Variants in FBXO7 observed in about 807,000 individuals in gnomAD.
The protein encoded by FBXO7 is F-box protein 7.
A neutral mutation model predicts 50.2 loss-of-function variants in FBXO7; 31 were observed. The observed-to-expected ratio is 0.62, with a 90% confidence interval of 0.46 to 0.83. The LOEUF is 0.83. Among genes scored for constraint, FBXO7 ranks in the 40% least tolerant of loss-of-function variants. FBXO7 has a pLI of 0.00. For missense variants in FBXO7, 667 were observed against 646.6 expected, an observed-to-expected ratio of 1.03 and a Z score of -0.34; for synonymous variants, 256 against 253.1, an observed-to-expected ratio of 1.01 and a Z score of -0.11.
At chr22:32,476,925 A>G (rs1260996627) in intron 1 of FBXO7, among the ~76,000 whole-genome samples, 1 of 152,202 alleles carries the variant, frequency 6.6e-6, no homozygotes, top group African/African-American at 2.4e-5. Context: ...GAGCTGGTAT[A>G]TTTATTAAGC....
intron 7 of FBXO7, 126 bp from the exon 8 acceptor site, chr22:32,495,363 GGTTA>G (rs2057566543): frequency 1.2e-5 from 7 of 597,966 alleles, no homozygotes; most frequent in Non-Finnish European, 1.8e-5. Context: ...TTATATAAAT[GGTTA>G]GTTTTTTTTT....
rs1568971962 is a variant in FBXO7, at chr22:32,478,993, A to G, written c.135A>G (p.Arg45=). 1.9e-6 allele frequency: 3 copies of G among 1,614,202 alleles called. No homozygotes were observed. The highest frequency in any genetic ancestry group is 1.7e-6 in the Non-Finnish European group (2 of 1,180,024). ...LCTWGYSSNT[R]FTITLNYKDP... is the part of the protein sequence containing the mutation. ...TCTTTCTTGGCAGTTCTAATACCCG[A>G]TTTACAATTACATTGAACTACAAGG... is the stretch of plus-strand genomic sequence containing the variant. The change falls in exon 2 of 9, where the codon CGA becomes CGG. Residue 45 remains arginine (R), a synonymous_variant. Coordinates refer to ENST00000266087, the MANE Select transcript of FBXO7 (RefSeq NM_012179.4).
At chr22:32,486,446 C>T (rs908654129) in intron 4 of FBXO7, among the ~76,000 whole-genome samples, 25 of 151,990 alleles carry the variant, frequency 1.6e-4, no homozygotes, top group Non-Finnish European at 1.5e-5. Context: ...CAGTCTTCCT[C>T]CTTGGCCTCC....
At chr22:32,495,925 C>A (rs1242147936) in intron 8 of FBXO7, among the ~76,000 whole-genome samples, 4 of 152,180 alleles carry the variant, frequency 2.6e-5, no homozygotes, top group Admixed American at 6.5e-5. Context: ...GCAGCAAGTG[C>A]TGATGGAAAA....
chr22:32,498,769 C>G lies in FBXO7; in HGVS notation c.*239C>G. ...GCCAATCTCCCTGCTCTTGGTTCTC[C>G]TCTAGATTGAAGTTTGTTTTCTGAT... is the stretch of plus-strand genomic sequence containing the variant. On this transcript the variant is annotated 3_prime_UTR_variant, in exon 9 of 9. Transcript: ENST00000266087. The G allele has an allele frequency of 1.8e-6, 1 of 569,240 alleles. No individual in the cohort carries two copies. Among genetic ancestry groups the G allele is most frequent in the Non-Finnish European group, 3.1e-6 (1 of 319,834 alleles). The allele number at this position is 569,240 out of a possible 1,614,324, so 35.3% of individuals were successfully genotyped here.
rs753371451 is a variant in FBXO7, at chr22:32,498,252, C to T, written c.1291C>T (p.Pro431Ser). Residue 431 changes from proline (P) to serine (S), a missense_variant, in exon 9 of 9, where the codon CCT (proline) becomes TCT (serine). Transcript: ENST00000266087. ...TIPFYPNPLHPRPFPSSRLPP... is the reference protein window; with the variant it reads ...TIPFYPNPLHSRPFPSSRLPP... ...TCCATTCTATCCCAACCCCTTGCAC[C>T]CTAGGCCATTTCCTAGCTCCCGCCT... 1 of 1,614,200 alleles carries T rather than the reference C, an allele frequency of 6.2e-7. No homozygotes were observed. Among genetic ancestry groups the T allele is most frequent in the Non-Finnish European group, 8.5e-7 (1 of 1,180,038 alleles).
intron 4 of FBXO7, among the ~76,000 whole-genome samples, chr22:32,485,994 C>T (rs1045066661): frequency 3.3e-5 from 5 of 152,070 alleles, no homozygotes; most frequent in Non-Finnish European, 7.4e-5. Context: ...ATTGGGAGGG[C>T]TGCGTTTGTT....
intron 8 of FBXO7, among the ~76,000 whole-genome samples, chr22:32,496,098 C>T (rs1049692627): frequency 7.9e-5 from 12 of 152,178 alleles, no homozygotes; most frequent in African/African-American, 2.9e-4. Context: ...AAAGGACAGG[C>T]TGACTCTTTT....
intron 8 of FBXO7, among the ~76,000 whole-genome samples, chr22:32,497,740 AT>A (rs1474123125): frequency 1.1e-4 from 16 of 152,202 alleles, no homozygotes; most frequent in Non-Finnish European, 1.8e-4. Flanking sequence ...TCACTGTTGT[AT>A]TATTTTAAGA....
At chr22:32,476,333 C>T (rs771911133) in intron 1 of FBXO7, among the ~76,000 whole-genome samples, 5 of 151,992 alleles carry the variant, frequency 3.3e-5, no homozygotes, top group Non-Finnish European at 7.4e-5. Flanking sequence ...CAGTAGGTTA[C>T]GAGTAGAAGA....
rs886057418 is a variant in FBXO7, at chr22:32,474,885, T to G, written c.-118T>G. The G allele has an allele frequency of 1.3e-5, 13 of 1,035,046 alleles. No individual in the cohort carries two copies. The highest frequency in any genetic ancestry group is 1.8e-5 in the Non-Finnish European group (13 of 739,178). The allele number at this position is 1,035,046 out of a possible 1,614,324, so 64.1% of individuals were successfully genotyped here. On this transcript the variant is annotated 5_prime_UTR_variant, in exon 1 of 9. Coordinates refer to ENST00000266087, the MANE Select transcript of FBXO7 (RefSeq NM_012179.4). ...TTCCCCGTTTCGCCTCAGCTACCCCTCAGCTCCGGTAGTCGCCAGTCCGGG... is the reference window on the plus strand; with the variant it reads ...TTCCCCGTTTCGCCTCAGCTACCCCGCAGCTCCGGTAGTCGCCAGTCCGGG...
chr22:32,479,408 T>TC, intron 2 of FBXO7, 133 bp downstream of exon 2: 1 of 853,574 alleles, frequency 1.2e-6, no homozygotes, highest in East Asian at 2.8e-5. Context: ...TTTCTTTTTT[T>TC]TTTTTTTTGA....
In FBXO7 at chr22:32,479,271, G is replaced by A. The variant is rs764447867; in HGVS notation, c.413G>A (p.Ser138Asn). Reference protein sequence around the residue: ...AAQSGVWNDDSMLGPSQNFEA... With the variant: ...AAQSGVWNDDNMLGPSQNFEA... ...CAGTCTGGTGTTTGGAATGACGACA[G>A]TATGGTGGGTATTAAACACCAATAT... Residue 138 changes from serine (S) to asparagine (N), a missense_variant, in exon 2 of 9, where the codon AGT becomes AAT. Physicochemically the swap from Ser to Asn is conservative, Grantham distance 46 (BLOSUM62 1). Transcript: ENST00000266087. 3 of 1,614,058 alleles carry A rather than the reference G, an allele frequency of 1.9e-6. No individual in the cohort carries two copies. The highest frequency in any genetic ancestry group is 3.3e-5 in the Admixed American group (2 of 60,004).
At chr22:32,475,332 T>TGG (rs764136976) in intron 1 of FBXO7, 2 of 1,607,298 alleles carry the variant, frequency 1.2e-6, no homozygotes, top group South Asian at 2.2e-5. Context: ...GAAGCGCGGG[T>TGG]GGTCGGCTGG....
chr22:32,481,396 TGTCTA>T (rs2057464258), intron 2 of FBXO7, among the ~76,000 whole-genome samples: 1 of 152,232 alleles, frequency 6.6e-6, no homozygotes, highest in African/African-American at 2.4e-5. Context: ...CTTTTAAAGT[TGTCTA>T]GTAAGATGAA....
Position 32,491,105 on chromosome 22 carries a change from A to G in FBXO7, c.891A>G (p.Ile297Met), listed in dbSNP as rs146429630. The change falls in exon 6 of 9, where the codon ATA (isoleucine) becomes ATG (methionine). Residue 297 changes from isoleucine to methionine, a missense_variant. Ile to Met is a conservative substitution (Grantham distance 10, BLOSUM62 1). Transcript: ENST00000266087. ...KEKLGENVANIYKDLQKLSRL... is the reference protein window; with the variant it reads ...KEKLGENVANMYKDLQKLSRL... ...TTCTAGGGGAAAATGTAGCCAACAT[A>G]TACAAAGATCTTCAGAAACTCTCTC... is the stretch of plus-strand genomic sequence containing the variant. The G allele has an allele frequency of 6.2e-7, 1 of 1,613,156 alleles. No homozygotes were observed. The highest frequency in any genetic ancestry group is 1.3e-5 in the African/African-American group (1 of 74,920).
rs1233766074 is a variant in FBXO7, at chr22:32,483,881, T to C, written c.418-16T>C. On this transcript the variant is annotated splice_polypyrimidine_tract_variant and intron_variant, in intron 2 of 8. Transcript: ENST00000266087. ...TAAGTCTTTAATTAATTCATTGTTTTGTTTTCCTTTTTCAGTTAGGGCCTA... is the reference window on the plus strand; with the variant it reads ...TAAGTCTTTAATTAATTCATTGTTTCGTTTTCCTTTTTCAGTTAGGGCCTA... 1.2e-6 allele frequency: 2 copies of C among 1,609,472 alleles called. No individual in the cohort carries two copies. Among genetic ancestry groups the C allele is most frequent in the Non-Finnish European group, 1.7e-6 (2 of 1,175,792 alleles).
chr22:32,494,422 C>A (rs1002506235), intron 7 of FBXO7, among the ~76,000 whole-genome samples: 1 of 151,944 alleles, frequency 6.6e-6, no homozygotes, highest in Non-Finnish European at 1.5e-5. Flanking sequence ...CTCACTGCCA[C>A]CCCCAACTCC....
At chr22:32,483,640 G>A (rs2057479070) in intron 2 of FBXO7, among the ~76,000 whole-genome samples, 2 of 152,152 alleles carry the variant, frequency 1.3e-5, no homozygotes, top group South Asian at 2.1e-4. Flanking sequence ...GTGGAACAAG[G>A]TTTAGTTAGG....
Sources: gnomAD v4.1 joint callset for allele counts (sites outside exome capture counted in the v4.1 genomes callset) on GRCh38, gnomAD v4.1.1 for gene constraint, MANE v1.5 for transcripts, NCBI Gene and HGNC (gene_info 2026-07-23, HGNC 2026-07-21) for gene names.